LRRC4C: variants seen among roughly 807,000 people sequenced by gnomAD.
LRRC4C encodes leucine-rich repeat-containing protein 4C.
LRRC4C carries 5 observed loss-of-function variants against 33.6 expected under a neutral mutation model. The observed-to-expected ratio is 0.15, with a 90% CI of 0.08 to 0.31. The LOEUF (loss-of-function observed/expected upper bound fraction) is 0.31. Among genes scored for constraint, LRRC4C ranks in the 10% least tolerant of loss-of-function variants. The pLI is 1.00. For missense variants in LRRC4C, 560 were observed against 796.7 expected (o/e 0.70, Z 3.58); for synonymous variants, 329 against 302.0 (o/e 1.09, Z -0.93).
chr11:40,830,178 T>C (rs888662048), intron 2 of LRRC4C, among the ~76,000 whole-genome samples: 1 of 152,104 alleles, frequency 6.6e-6, no homozygotes, highest in Non-Finnish European at 1.5e-5. Context: ...CTACTGAAAT[T>C]TATTCAATAA....
chr11:40,766,974 A>C (rs185081010), intron 2 of LRRC4C, among the ~76,000 whole-genome samples: 1 of 152,134 alleles, frequency 6.6e-6, no homozygotes, highest in Non-Finnish European at 1.5e-5. Flanking sequence ...CTTACCAATT[A>C]TAGCATTGAA....
At chr11:40,448,597 T>G (rs1298823828) in intron 3 of LRRC4C, among the ~76,000 whole-genome samples, 1 of 152,220 alleles carries the variant, frequency 6.6e-6, no homozygotes, top group East Asian at 1.9e-4. Context: ...TTTTTACAGC[T>G]GCATAGTATT....
chr11:41,273,807 T>G (rs1949393824), intron 1 of LRRC4C, among the ~76,000 whole-genome samples: 2 of 152,308 alleles, frequency 1.3e-5, no homozygotes, highest in African/African-American at 4.8e-5. Context: ...GTTCAGTACC[T>G]TAATTATGGT....
At chr11:40,307,042 T>G (rs572390339) in intron 4 of LRRC4C, among the ~76,000 whole-genome samples, 4 of 152,098 alleles carry the variant, frequency 2.6e-5, no homozygotes, top group East Asian at 1.9e-4. Flanking sequence ...TATACAATTT[T>G]TTTTTGTTTT....
chr11:40,215,230 C>G (rs910914018), intron 5 of LRRC4C, among the ~76,000 whole-genome samples: 1 of 152,112 alleles, frequency 6.6e-6, no homozygotes, highest in Non-Finnish European at 1.5e-5. Flanking sequence ...ACTATAATCA[C>G]GACATAATAT....
chr11:40,372,524 A>G (rs1017405466), intron 3 of LRRC4C, among the ~76,000 whole-genome samples: 2 of 152,170 alleles, frequency 1.3e-5, no homozygotes, highest in South Asian at 2.1e-4. Context: ...AAGGTTTGCA[A>G]TCTTAATACA....
intron 3 of LRRC4C, among the ~76,000 whole-genome samples, chr11:40,423,255 G>A (rs547912109): frequency 7.3e-5 from 11 of 151,420 alleles, no homozygotes; most frequent in South Asian, 6.3e-4. Context: ...ATTACACTGC[G>A]AATAGCACAT....
intron 3 of LRRC4C, among the ~76,000 whole-genome samples, chr11:40,371,131 G>A (rs928350431): frequency 3.3e-5 from 5 of 151,838 alleles, no homozygotes; most frequent in African/African-American, 9.7e-5. Flanking sequence ...TTATAGGAAC[G>A]TTTCCCCAAA....
chr11:41,182,325 A>G (rs1165275870), intron 1 of LRRC4C, among the ~76,000 whole-genome samples: 2 of 152,212 alleles, frequency 1.3e-5, no homozygotes, highest in Admixed American at 6.5e-5. Flanking sequence ...AAGAATCTAC[A>G]GGGGAAATTA....
chr11:41,343,021 A>G (rs1565597140), intron 1 of LRRC4C, among the ~76,000 whole-genome samples: 1 of 152,136 alleles, frequency 6.6e-6, no homozygotes, highest in Non-Finnish European at 1.5e-5. Flanking sequence ...TTTGTCTTCA[A>G]ATTGCCCTTT....
At position 40,406,703 on chromosome 11, in the gene LRRC4C, A is replaced by T. The variant is rs953536198; in HGVS notation, c.-269-86982T>A. ...TATAATTGCAAAACACAATACAACA[A>T]TTTTTTTTCTAAAATATGTATTGAA... is the stretch of plus-strand genomic sequence containing the variant. On this transcript the variant is annotated intron_variant, in intron 3 of 6. Transcript: ENST00000528697. 3.6e-4 allele frequency among the ~76,000 whole-genome samples: 54 copies of T among 151,962 alleles called. 1 individual carries two copies. Among genetic ancestry groups the T allele is most frequent in the Admixed American group, 3.3e-3 (51 of 15,254 alleles).
Position 40,116,219 on chromosome 11 carries a change from G to C in LRRC4C, c.74C>G (p.Pro25Arg). The change falls in exon 7 of 7, where the codon CCC becomes CGC. Residue 25 changes from proline to arginine, a missense_variant. Around this residue, in one of 3 missense-constraint regions of LRRC4C, gnomAD observed 455 missense variants for 643.8 expected, o/e 0.71. Transcript: ENST00000528697. ...AAGAGCCAGCAGCACCACAAGCAGGGGGTCAAATAGGGCCCTGTTAAACCT... is the reference window on the plus strand; with the variant it reads ...AAGAGCCAGCAGCACCACAAGCAGGCGGTCAAATAGGGCCCTGTTAAACCT... ...GPRFNRALFD[P>R]LLVVLLALQL... 1 of 1,614,040 alleles carries C rather than the reference G, an allele frequency of 6.2e-7. No individual in the cohort carries two copies. The highest frequency in any genetic ancestry group is 1.7e-5 in the Admixed American group (1 of 60,008).
intron 3 of LRRC4C, among the ~76,000 whole-genome samples, chr11:40,575,736 G>T (rs772210076): frequency 9.9e-5 from 15 of 152,094 alleles, no homozygotes; most frequent in Middle Eastern, 3.2e-3. Context: ...TTAGAAGACA[G>T]ATATTTTTCA....
At chr11:40,918,828 C>T (rs1396884686) in intron 2 of LRRC4C, among the ~76,000 whole-genome samples, 1 of 151,982 alleles carries the variant, frequency 6.6e-6, no homozygotes. Context: ...ATGAGTTAAA[C>T]TCAAAAGAAG....
At chr11:41,305,928 A>T (rs1053863948) in intron 1 of LRRC4C, among the ~76,000 whole-genome samples, 1 of 143,826 alleles carries the variant, frequency 7.0e-6, no homozygotes, top group African/African-American at 2.6e-5. Flanking sequence ...AAAAATAATA[A>T]AATAAAATAA....
intron 2 of LRRC4C, among the ~76,000 whole-genome samples, chr11:40,808,815 G>T (rs951481322): frequency 1.3e-5 from 2 of 152,114 alleles, no homozygotes; most frequent in Non-Finnish European, 2.9e-5. Context: ...CTAAACAGAG[G>T]ATTGATGAAA....
intron 1 of LRRC4C, among the ~76,000 whole-genome samples, chr11:41,062,290 A>G (rs1369649750): frequency 1.3e-5 from 2 of 152,146 alleles, no homozygotes; most frequent in Admixed American, 6.5e-5. Context: ...TTGTTCACCT[A>G]TATGCAACCA....
chr11:40,515,742 A>G (rs1955534831), intron 3 of LRRC4C, among the ~76,000 whole-genome samples: 2 of 152,124 alleles, frequency 1.3e-5, no homozygotes, highest in African/African-American at 2.4e-5. Flanking sequence ...AACAATTATT[A>G]AAAATCAGGT....
intron 3 of LRRC4C, among the ~76,000 whole-genome samples, chr11:40,506,693 A>T (rs1024470941): frequency 2.6e-5 from 4 of 152,138 alleles, no homozygotes; most frequent in Admixed American, 2.0e-4. Context: ...AAATAGCCAT[A>T]AAAATTAGGA....
Sources: gnomAD v4.1 joint callset for allele counts (sites outside exome capture counted in the v4.1 genomes callset) on GRCh38, gnomAD v4.1.1 for gene constraint, gnomAD v4.1.1 regional missense constraint, MANE v1.5 for transcripts, NCBI Gene and HGNC (gene_info 2026-07-23, HGNC 2026-07-21) for gene names.